EIF4H: variants seen among roughly 807,000 people sequenced by gnomAD.
The protein encoded by EIF4H is Williams-Beuren syndrome chromosome region 1.
Under a neutral mutation model 30.6 loss-of-function variants are expected in EIF4H, and 8 were observed. That is an observed-to-expected ratio of 0.26 (90% CI 0.15 to 0.47). EIF4H has a LOEUF of 0.47. EIF4H is among the 20% of genes least tolerant of loss of function. The pLI, the probability that EIF4H is intolerant of heterozygous loss-of-function variation, is 0.99. For synonymous variants in EIF4H, 106 were observed against 122.7 expected (o/e 0.86, Z 0.90); for missense variants, 188 against 339.5 (o/e 0.55, Z 3.51).
chr7:74,189,394 A>G (rs553520354), intron 2 of EIF4H, among the ~76,000 whole-genome samples: 1 of 152,328 alleles, frequency 6.6e-6, no homozygotes, highest in Admixed American at 6.5e-5. Context: ...TGGCCTGAGA[A>G]AGGTTTGAAT....
intron 1 of EIF4H, among the ~76,000 whole-genome samples, chr7:74,179,631 CAA>C (rs34502000): frequency 3.1e-5 from 4 of 128,048 alleles, no homozygotes; most frequent in African/African-American, 1.1e-4. Context: ...GACTCTGTAT[CAA>C]AAAAAAAAAA....
intron 5 of EIF4H, among the ~76,000 whole-genome samples, chr7:74,191,707 A>C (rs1554709985): frequency 6.6e-6 from 1 of 152,186 alleles, no homozygotes; most frequent in African/African-American, 2.4e-5. Flanking sequence ...GCCAGTGTTA[A>C]ACTAAGCTTT....
intron 1 of EIF4H, among the ~76,000 whole-genome samples, chr7:74,182,542 C>G (rs1285019274): frequency 2.6e-5 from 4 of 152,202 alleles, no homozygotes; most frequent in Non-Finnish European, 5.9e-5. Flanking sequence ...CTACTTTCCC[C>G]AAATGAGAGC....
chr7:74,174,583 C>G (rs1800792325), intron 1 of EIF4H, 141 bp downstream of exon 1: 2 of 800,952 alleles, frequency 2.5e-6, no homozygotes, highest in East Asian at 9.5e-5. Flanking sequence ...CCTGGAGGGC[C>G]GGGGCCTGGA....
At chr7:74,182,258 TCTC>T (rs1479594601) in intron 1 of EIF4H, among the ~76,000 whole-genome samples, 5 of 152,206 alleles carry the variant, frequency 3.3e-5, no homozygotes, top group Non-Finnish European at 5.9e-5. Context: ...TGACCACTCT[TCTC>T]TATACTACTA....
At chr7:74,178,803 A>G (rs966569136) in intron 1 of EIF4H, among the ~76,000 whole-genome samples, 1 of 152,168 alleles carries the variant, frequency 6.6e-6, no homozygotes, top group African/African-American at 2.4e-5. Flanking sequence ...TGGCAGCTGT[A>G]TGTACGTCTA....
intron 1 of EIF4H, among the ~76,000 whole-genome samples, chr7:74,187,337 A>G (rs1801107796): frequency 6.6e-6 from 1 of 152,326 alleles, no homozygotes; most frequent in African/African-American, 2.4e-5. Context: ...AGGCTGAGAC[A>G]GGAGAATCTC....
At position 74,194,788 on chromosome 7, in the gene EIF4H, G is replaced by A. The variant is rs375109001; in HGVS notation, c.517G>A (p.Asp173Asn). 2 of 1,602,498 alleles carry A rather than the reference G, an allele frequency of 1.2e-6. No homozygotes were observed. The highest frequency in any genetic ancestry group is 1.7e-6 in the Non-Finnish European group (2 of 1,170,412). ...LGGRGGSRPGDRRTGPPMGSR... is the reference protein window; with the variant it reads ...LGGRGGSRPGNRRTGPPMGSR... ...GGGCAGGGGAGGTAGTCGCCCAGGC[G>A]ACCGGCGAACAGGCCCCCCCATGGG... Residue 173 changes from aspartate (D) to asparagine (N), a missense_variant, in exon 6 of 7, where the codon GAC becomes AAC. Asp to Asn is a conservative substitution (Grantham distance 23). Transcript: ENST00000265753.
intron 5 of EIF4H, among the ~76,000 whole-genome samples, chr7:74,192,374 A>G (rs1158795774): frequency 6.6e-6 from 1 of 152,170 alleles, no homozygotes; most frequent in Non-Finnish European, 1.5e-5. Flanking sequence ...CCCCTAAAGC[A>G]GTGCTCTTAT....
intron 2 of EIF4H, 139 bp from the exon 3 acceptor site, chr7:74,189,534 A>T (rs759585992): frequency 1.1e-6 from 1 of 878,022 alleles, no homozygotes; most frequent in Non-Finnish European, 1.7e-6. Context: ...GGTTCTATCT[A>T]TTGAAAGGCT....
chr7:74,186,794 T>A lies in EIF4H; in HGVS notation c.60-817T>A, dbSNP rs1554709219. ...AATCAGGCAACAAGGAGAAATTTTT[T>A]TTTTTTTTTTTTTTTTTTTTTTTTT... On this transcript the variant is annotated intron_variant, in intron 1 of 6. Coordinates refer to ENST00000265753, the MANE Select transcript of EIF4H (RefSeq NM_022170.2). 8.5e-3 allele frequency among the ~76,000 whole-genome samples: 57 copies of A among 6,726 alleles called. 15 individuals carry two copies. Among genetic ancestry groups the A allele is most frequent in the South Asian group, 0.021 (4 of 190 alleles). The allele number at this position is 6,726 out of a possible 152,430, so 4.4% of individuals were successfully genotyped here.
chr7:74,192,433 T>G (rs1801241358), intron 5 of EIF4H, among the ~76,000 whole-genome samples: 1 of 152,118 alleles, frequency 6.6e-6, no homozygotes, highest in African/African-American at 2.4e-5. Flanking sequence ...TTGTTAAAAT[T>G]TATTATTTAA....
rs187464695 is a variant in EIF4H, at chr7:74,183,994, A to G, written c.60-3617A>G. 120 of 152,356 alleles carry G rather than the reference A, an allele frequency of 7.9e-4. 1 individual carries two copies. The highest frequency in any genetic ancestry group is 2.8e-3 in the African/African-American group (117 of 41,574). The allele number at this position is 152,356 out of a possible 1,614,324, so 9.4% of individuals were successfully genotyped here. A position where few individuals can be genotyped will look rare whatever the true frequency, so the allele number is the denominator to read the frequency against. On this transcript the variant is annotated intron_variant, in intron 1 of 6. Transcript: ENST00000265753. Reference sequence around the variant, plus strand: ...TGGGAATATTTAGGACTACTTTGGTAATTATTGAAAAGTCTAGAGTATTAA... The same window carrying G: ...TGGGAATATTTAGGACTACTTTGGTGATTATTGAAAAGTCTAGAGTATTAA...
At chr7:74,174,826 C>T (rs1800800685) in intron 1 of EIF4H, among the ~76,000 whole-genome samples, 1 of 152,264 alleles carries the variant, frequency 6.6e-6, no homozygotes, top group Non-Finnish European at 1.5e-5. Context: ...CGGCCTGCCC[C>T]GCTCCGGTCC....
intron 5 of EIF4H, among the ~76,000 whole-genome samples, chr7:74,193,560 A>G (rs1801273759): frequency 1.3e-5 from 2 of 151,858 alleles, no homozygotes; most frequent in Admixed American, 1.3e-4. Flanking sequence ...TGAGTGCGCA[A>G]CCAACAGCAG....
chr7:74,184,731 G>T (rs1184870861), intron 1 of EIF4H, among the ~76,000 whole-genome samples: 1 of 151,848 alleles, frequency 6.6e-6, no homozygotes, highest in East Asian at 1.9e-4. Context: ...TTTTGAGATG[G>T]AGTCTCGCTC....
intron 5 of EIF4H, among the ~76,000 whole-genome samples, chr7:74,190,950 A>C (rs555571768): frequency 6.6e-6 from 1 of 152,308 alleles, no homozygotes; most frequent in Non-Finnish European, 1.5e-5. Flanking sequence ...CTTCAGTTGT[A>C]ACCCAGAAAG....
chr7:74,179,032 C>A (rs954028377), intron 1 of EIF4H, among the ~76,000 whole-genome samples: 1 of 152,052 alleles, frequency 6.6e-6, no homozygotes, highest in Non-Finnish European at 1.5e-5. Context: ...TGTATACTCA[C>A]ATTTTTGGAG....
At chr7:74,187,840 A>G (rs1554709413) in intron 2 of EIF4H, 42 bp downstream of exon 2, 1 of 1,464,204 alleles carries the variant, frequency 6.8e-7, no homozygotes, top group Non-Finnish European at 9.1e-7. Context: ...TGTAAAGTGT[A>G]GGGGAGGATG....
Sources: gnomAD v4.1 joint callset for allele counts (sites outside exome capture counted in the v4.1 genomes callset) on GRCh38, gnomAD v4.1.1 for gene constraint, MANE v1.5 for transcripts, NCBI Gene and HGNC (gene_info 2026-07-23, HGNC 2026-07-21) for gene names.